The following C1QA variants were observed in gnomAD, a reference collection of about 807,000 sequenced individuals.
C1QA encodes complement C1q A chain, also known as complement C1q subcomponent subunit A.
C1QA carries 3 observed loss-of-function variants against 6.9 expected under a neutral mutation model. The ratio of observed to expected loss-of-function variants is 0.44; its 90% CI spans 0.20 to 1.12. C1QA has a LOEUF of 1.12. C1QA is among the 50% of genes most tolerant of loss of function. C1QA has a pLI of 0.27. For missense variants in C1QA, 273 were observed against 326.6 expected (o/e 0.84, Z 1.26); for synonymous variants, 128 against 134.1 (o/e 0.95, Z 0.31).
rs1463274899 is a variant in C1QA, at chr1:22,639,569, C to A, written c.*162C>A. 2 of 719,128 alleles carry A rather than the reference C, an allele frequency of 2.8e-6. No individual in the cohort carries two copies. The highest frequency in any genetic ancestry group is 5.4e-5 in the East Asian group (2 of 37,040). The allele number at this position is 719,128 out of a possible 1,614,324, so 44.5% of individuals were successfully genotyped here. Reference sequence around the variant, plus strand: ...TGCTCTAAGAAGCTCGTTTCTTAGACCTCTTCCTGGAATAAACATCTGTGT... The same window carrying A: ...TGCTCTAAGAAGCTCGTTTCTTAGAACTCTTCCTGGAATAAACATCTGTGT... On this transcript the variant is annotated 3_prime_UTR_variant, in exon 3 of 3. Transcript: ENST00000374642. The surrounding 1 kb of genome is among the most constrained non-coding windows in gnomAD (Gnocchi z 4.6).
chr1:22,637,549 G>A lies in C1QA; in HGVS notation c.-7-61G>A. 1 of 1,588,240 alleles carries A rather than the reference G, an allele frequency of 6.3e-7. No individual in the cohort carries two copies. The highest frequency in any genetic ancestry group is 1.7e-5 in the Admixed American group (1 of 57,602). ...ATATCATTGTGTGCATGGGACTCAA[G>A]GGTGGGAGCTGGGTGTGAGTGTGAT... On this transcript the variant is annotated intron_variant, in intron 1 of 2. Transcript: ENST00000374642. This position sits in a 1 kb window ranked among gnomAD's most constrained non-coding sequence, Gnocchi z 4.4.
chr1:22,639,010 G>A lies in C1QA; in HGVS notation c.341G>A (p.Arg114Lys). The change falls in exon 3 of 3, where the codon AGG becomes AAG. Residue 114 changes from arginine (R) to lysine (K), a missense_variant. Arg to Lys is a conservative substitution (Grantham distance 26, BLOSUM62 2). Coordinates refer to ENST00000374642, the MANE Select transcript of C1QA (RefSeq NM_015991.4). This position sits in a 1 kb window ranked among gnomAD's most constrained non-coding sequence, Gnocchi z 4.6. ...GSPGNIKDQP[R>K]PAFSAIRRNP... ...CCAGGAAACATCAAGGACCAGCCGA[G>A]GCCAGCCTTCTCCGCCATTCGGCGG... is the stretch of plus-strand genomic sequence containing the variant. The A allele has an allele frequency of 6.2e-7, 1 of 1,613,778 alleles. No individual in the cohort carries two copies.
upstream of C1QA, chr1:22,636,555 G>A (rs1399779986): frequency 6.6e-6 from 1 of 152,442 alleles, no homozygotes; most frequent in Non-Finnish European, 1.5e-5. Context: ...TCTGGCCACT[G>A]GGGAAGTTCA....
At position 22,639,598 on chromosome 1, in the gene C1QA, T is replaced by A; in HGVS notation, c.*191T>A. 1 of 636,840 alleles carries A rather than the reference T, an allele frequency of 1.6e-6. No homozygotes were observed. The highest frequency in any genetic ancestry group is 2.7e-5 in the East Asian group (1 of 36,538). The allele number at this position is 636,840 out of a possible 1,614,324, so 39.4% of individuals were successfully genotyped here. On this transcript the variant is annotated 3_prime_UTR_variant, in exon 3 of 3. Transcript: ENST00000374642. This position sits in a 1 kb window ranked among gnomAD's most constrained non-coding sequence, Gnocchi z 4.6. Reference sequence around the variant, plus strand: ...TTCCTGGAATAAACATCTGTGTCTGTGTCTGCTGAACATGAGCTTCAGTTG... The same window carrying A: ...TTCCTGGAATAAACATCTGTGTCTGAGTCTGCTGAACATGAGCTTCAGTTG...
In C1QA at chr1:22,639,408, GCCAGGGAAGGACCC is replaced by G; in HGVS notation, c.*4_*17del. Reference sequence around the variant, plus strand: ...CTTCCTCATCTTCCCATCTGCCTGAGCCAGGGAAGGACCCCCTCCCCCACCCACCTCTCTGGCTT... The same window carrying G: ...CTTCCTCATCTTCCCATCTGCCTGAGCCTCCCCCACCCACCTCTCTGGCTT... On this transcript the variant is annotated 3_prime_UTR_variant, in exon 3 of 3. Coordinates refer to ENST00000374642, the MANE Select transcript of C1QA (RefSeq NM_015991.4). This position sits in a 1 kb window ranked among gnomAD's most constrained non-coding sequence, Gnocchi z 4.6. 6.2e-7 allele frequency: 1 copy of G among 1,612,814 alleles called. No homozygotes were observed. The highest frequency in any genetic ancestry group is 8.5e-7 in the Non-Finnish European group (1 of 1,179,990).
chr1:22,639,638 G>C lies in C1QA; in HGVS notation c.*231G>C, dbSNP rs1642239731. 7 of 592,394 alleles carry C rather than the reference G, an allele frequency of 1.2e-5. No homozygotes were observed. Among genetic ancestry groups the C allele is most frequent in the Middle Eastern group, 4.4e-4 (1 of 2,296 alleles). The allele number at this position is 592,394 out of a possible 1,614,324, so 36.7% of individuals were successfully genotyped here. On this transcript the variant is annotated 3_prime_UTR_variant, in exon 3 of 3. Transcript: ENST00000374642. This position sits in a 1 kb window ranked among gnomAD's most constrained non-coding sequence, Gnocchi z 4.6. Reference sequence around the variant, plus strand: ...AGCTTCAGTTGCTACTCGGAGCATTGAGAGGGAGGCCTAAGAATAATAACA... The same window carrying C: ...AGCTTCAGTTGCTACTCGGAGCATTCAGAGGGAGGCCTAAGAATAATAACA...
chr1:22,637,779 G>C lies in C1QA; in HGVS notation c.163G>C (p.Gly55Arg). 4 of 1,574,950 alleles carry C rather than the reference G, an allele frequency of 2.5e-6. No homozygotes were observed. The highest frequency in any genetic ancestry group is 3.4e-6 in the Non-Finnish European group (4 of 1,160,536). The change falls in exon 2 of 3, where the codon GGG becomes CGG. Residue 55 changes from glycine (G) to arginine (R), a missense_variant and splice_region_variant. Transcript: ENST00000374642. The surrounding 1 kb of genome is among the most constrained non-coding windows in gnomAD (Gnocchi z 4.4). ...CCTCAAGGGGGAGCAAGGGGAGCCGGGTAAGCACCCTTCCTCGGGACCCAG... is the reference window on the plus strand; with the variant it reads ...CCTCAAGGGGGAGCAAGGGGAGCCGCGTAAGCACCCTTCCTCGGGACCCAG... ...PGLKGEQGEP[G>R]APGIRTGIQG... is the part of the protein sequence containing the mutation.
Position 22,639,093 on chromosome 1 carries a change from G to A in C1QA, c.424G>A (p.Glu142Lys), listed in dbSNP as rs2148291133. 2 of 1,614,266 alleles carry A rather than the reference G, an allele frequency of 1.2e-6. No homozygotes were observed. Among genetic ancestry groups the A allele is most frequent in the Non-Finnish European group, 1.7e-6 (2 of 1,180,038 alleles). Residue 142 changes from glutamate (E) to lysine (K), a missense_variant, in exon 3 of 3, where the codon GAA (glutamate) becomes AAA (lysine). Glu to Lys is a moderately conservative substitution (Grantham distance 56, BLOSUM62 1). Coordinates refer to ENST00000374642, the MANE Select transcript of C1QA (RefSeq NM_015991.4). The surrounding 1 kb of genome is among the most constrained non-coding windows in gnomAD (Gnocchi z 4.6). ...IFDTVITNQE[E>K]PYQNHSGRFV... ...CGACACGGTCATCACCAACCAGGAA[G>A]AACCGTACCAGAACCACTCCGGCCG... is the stretch of plus-strand genomic sequence containing the variant.
Position 22,639,134 on chromosome 1 carries a change from A to G in C1QA, c.465A>G (p.Val155=). 3.7e-6 allele frequency: 6 copies of G among 1,614,196 alleles called. No individual in the cohort carries two copies. In the South Asian group the frequency reaches 5.5e-5, roughly 15 times the overall value. ...ACTCCGGCCGATTCGTCTGCACTGTACCCGGCTACTACTACTTCACCTTCC... is the reference window on the plus strand; with the variant it reads ...ACTCCGGCCGATTCGTCTGCACTGTGCCCGGCTACTACTACTTCACCTTCC... ...QNHSGRFVCT[V]PGYYYFTFQV... The change falls in exon 3 of 3, where the codon GTA becomes GTG. Residue 155 remains valine (V), a synonymous_variant. Transcript: ENST00000374642. This position sits in a 1 kb window ranked among gnomAD's most constrained non-coding sequence, Gnocchi z 4.6.
chr1:22,637,542 G>T lies in C1QA; in HGVS notation c.-7-68G>T. ...TGTGCATATATCATTGTGTGCATGG[G>T]ACTCAAGGGTGGGAGCTGGGTGTGA... On this transcript the variant is annotated intron_variant, in intron 1 of 2. Transcript: ENST00000374642. The surrounding 1 kb of genome is among the most constrained non-coding windows in gnomAD (Gnocchi z 4.4). 1 of 1,568,144 alleles carries T rather than the reference G, an allele frequency of 6.4e-7. No homozygotes were observed. The highest frequency in any genetic ancestry group is 1.1e-5 in the South Asian group (1 of 87,170).
In C1QA at chr1:22,639,553, A is replaced by T. The variant is rs542889390; in HGVS notation, c.*146A>T. On this transcript the variant is annotated 3_prime_UTR_variant, in exon 3 of 3. Transcript: ENST00000374642. The surrounding 1 kb of genome is among the most constrained non-coding windows in gnomAD (Gnocchi z 4.6). ...GCTGCCCCGTGACACATGCTCTAAG[A>T]AGCTCGTTTCTTAGACCTCTTCCTG... 14 of 852,376 alleles carry T rather than the reference A, an allele frequency of 1.6e-5. No individual in the cohort carries two copies. The South Asian group carries it at 2.1e-4, about 13-fold the overall frequency. The allele number at this position is 852,376 out of a possible 1,614,324, so 52.8% of individuals were successfully genotyped here.
Position 22,637,038 on chromosome 1 carries a change from T to A in C1QA, c.-8+336T>A, listed in dbSNP as rs1642191766. On this transcript the variant is annotated intron_variant, in intron 1 of 2. Coordinates refer to ENST00000374642, the MANE Select transcript of C1QA (RefSeq NM_015991.4). This position sits in a 1 kb window ranked among gnomAD's most constrained non-coding sequence, Gnocchi z 4.4. The stretch of plus-strand genomic sequence containing the variant: ...GGCAGTGGGACCCAGCAGAGGGGAC[T>A]GTAGGGGCAGCCAGTCACCCATGCT... Among the ~76,000 whole-genome samples the A allele has an allele frequency of 1.3e-5, 2 of 152,096 alleles. No individual in the cohort carries two copies. The highest frequency in any genetic ancestry group is 6.5e-5 in the Admixed American group (1 of 15,284).
intron 2 of C1QA, among the ~76,000 whole-genome samples, chr1:22,638,283 C>T (rs968598615): frequency 6.6e-6 from 1 of 152,118 alleles, no homozygotes; most frequent in Non-Finnish European, 1.5e-5. Context: ...CCAGCACCCC[C>T]AACACTGTCC....
chr1:22,638,737 T>G (rs997791782), intron 2 of C1QA, 96 bp from the exon 3 acceptor site: 3 of 1,387,556 alleles, frequency 2.2e-6, no homozygotes, highest in Non-Finnish European at 2.0e-6. Flanking sequence ...AGGTGCTTCA[T>G]TGCCCTTTAT....
rs775331515 is a variant in C1QA, at chr1:22,637,736, C to A, written c.120C>A (p.Gly40=). Residue 40 remains glycine (G), a synonymous_variant, in exon 2 of 3, where the codon GGC becomes GGA. Coordinates refer to ENST00000374642, the MANE Select transcript of C1QA (RefSeq NM_015991.4). This position sits in a 1 kb window ranked among gnomAD's most constrained non-coding sequence, Gnocchi z 4.4. ...AGAAAGGGGAGGCAGGAAGACCTGG[C>A]AGACGGGGGCGGCCAGGCCTCAAGG... ...DGKKGEAGRP[G]RRGRPGLKGE... is the part of the protein sequence containing the mutation. 6.2e-7 allele frequency: 1 copy of A among 1,608,540 alleles called. No homozygotes were observed. Among genetic ancestry groups the A allele is most frequent in the Admixed American group, 1.7e-5 (1 of 58,970 alleles).
Position 22,639,243 on chromosome 1 carries a change from A to T in C1QA, c.574A>T (p.Thr192Ser). Residue 192 changes from threonine (T) to serine (S), a missense_variant, in exon 3 of 3, where the codon ACC (threonine) becomes TCC (serine). Transcript: ENST00000374642. The surrounding 1 kb of genome is among the most constrained non-coding windows in gnomAD (Gnocchi z 4.6). ...QVRRSLGFCD[T>S]TNKGLFQVVS... Reference sequence around the variant, plus strand: ...CCGACGCTCCCTGGGCTTCTGTGACACCACCAACAAGGGGCTCTTCCAGGT... The same window carrying T: ...CCGACGCTCCCTGGGCTTCTGTGACTCCACCAACAAGGGGCTCTTCCAGGT... 1 of 1,614,186 alleles carries T rather than the reference A, an allele frequency of 6.2e-7. No homozygotes were observed.
At position 22,638,829 on chromosome 1, in the gene C1QA, A is replaced by G; in HGVS notation, c.164-4A>G. 1 of 1,574,588 alleles carries G rather than the reference A, an allele frequency of 6.4e-7. No individual in the cohort carries two copies. The highest frequency in any genetic ancestry group is 2.3e-5 in the East Asian group (1 of 43,378). ...CACTTCCAATCTGGCATTTCTCCCC[A>G]CAGGGGCCCCTGGCATCCGGACAGG... On this transcript the variant is annotated splice_polypyrimidine_tract_variant and splice_region_variant and intron_variant, in intron 2 of 2. Transcript: ENST00000374642.
Position 22,637,538 on chromosome 1 carries a change from A to G in C1QA, c.-7-72A>G, listed in dbSNP as rs1642200634. 3.8e-6 allele frequency: 6 copies of G among 1,558,684 alleles called. No homozygotes were observed. ...GGACTGTGCATATATCATTGTGTGC[A>G]TGGGACTCAAGGGTGGGAGCTGGGT... On this transcript the variant is annotated intron_variant, in intron 1 of 2. Transcript: ENST00000374642. The surrounding 1 kb of genome is among the most constrained non-coding windows in gnomAD (Gnocchi z 4.4).
At position 22,637,748 on chromosome 1, in the gene C1QA, G is replaced by A. The variant is rs1175674386; in HGVS notation, c.132G>A (p.Arg44=). The change falls in exon 2 of 3, where the codon CGG becomes CGA. Residue 44 remains arginine, a synonymous_variant. Coordinates refer to ENST00000374642, the MANE Select transcript of C1QA (RefSeq NM_015991.4). The surrounding 1 kb of genome is among the most constrained non-coding windows in gnomAD (Gnocchi z 4.4). ...CAGGAAGACCTGGCAGACGGGGGCGGCCAGGCCTCAAGGGGGAGCAAGGGG... is the reference window on the plus strand; with the variant it reads ...CAGGAAGACCTGGCAGACGGGGGCGACCAGGCCTCAAGGGGGAGCAAGGGG... ...GEAGRPGRRG[R]PGLKGEQGEP... 1.9e-6 allele frequency: 3 copies of A among 1,602,354 alleles called. No homozygotes were observed. The highest frequency in any genetic ancestry group is 1.7e-5 in the Admixed American group (1 of 57,676).
Sources: allele counts gnomAD v4.1 joint callset (sites outside exome capture counted in the v4.1 genomes callset), GRCh38; gene constraint gnomAD v4.1.1; non-coding constraint Gnocchi (gnomAD v3.1); transcripts MANE v1.5; gene names NCBI Gene and HGNC (gene_info 2026-07-23, HGNC 2026-07-21).